Variants in LHFPL2 observed in about 807,000 individuals in gnomAD.
The protein encoded by LHFPL2 is LHFPL tetraspan subfamily member 2, also known as LHFPL tetraspan subfamily member 2 protein.
Under a neutral mutation model 17.5 loss-of-function variants are expected in LHFPL2, and 7 were observed. The ratio of observed to expected loss-of-function variants is 0.40; its 90% CI spans 0.23 to 0.75. The LOEUF (loss-of-function observed/expected upper bound fraction) is 0.75, where lower values mean the gene tolerates loss of function less well. LHFPL2 is among the 30% of genes least tolerant of loss of function. LHFPL2 has a pLI of 0.37. For missense variants in LHFPL2, 241 were observed against 294.8 expected (o/e 0.82, Z 1.34); for synonymous variants, 134 against 116.2 (o/e 1.15, Z -0.99).
At chr5:78,645,929 C>T (rs777801251) in intron 1 of LHFPL2, among the ~76,000 whole-genome samples, 13 of 152,186 alleles carry the variant, frequency 8.5e-5, no homozygotes, top group Non-Finnish European at 1.8e-4. Context: ...TAGAGATCAG[C>T]TATTTGCTTC....
At chr5:78,554,505 T>C (rs1426079779) in intron 3 of LHFPL2, among the ~76,000 whole-genome samples, 5 of 152,226 alleles carry the variant, frequency 3.3e-5, no homozygotes, top group African/African-American at 9.7e-5. Flanking sequence ...TTAACAACGT[T>C]TTCCAGGTTT....
rs1754260855 is a variant in LHFPL2 at position 78,486,860 on chromosome 5, A to G, written c.*2037T>C. 3 of 152,196 alleles carry G rather than the reference A, an allele frequency of 2.0e-5. No individual in the cohort carries two copies. 9.4% of individuals were successfully genotyped at this position (152,196 alleles called of 1,614,324 possible). ...TGAGATTGTAAACCTAGTGTCAGAA[A>G]ATGGTTTCTCTATCCAAGAAAGAAA... On this transcript the variant is annotated 3_prime_UTR_variant, in exon 5 of 5. Coordinates refer to ENST00000380345, the MANE Select transcript of LHFPL2 (RefSeq NM_005779.3).
chr5:78,518,022 T>G (rs1755341016), intron 3 of LHFPL2, among the ~76,000 whole-genome samples: 1 of 152,228 alleles, frequency 6.6e-6, no homozygotes, highest in African/African-American at 2.4e-5. Flanking sequence ...CATTAAAATC[T>G]GATGTAGCCC....
chr5:78,524,261 A>G (rs1755548570), intron 3 of LHFPL2, among the ~76,000 whole-genome samples: 2 of 152,116 alleles, frequency 1.3e-5, no homozygotes, highest in South Asian at 4.1e-4. Context: ...TTTCGGGCAC[A>G]CTCACTCATG....
chr5:78,599,862 T>G (rs1743950934), intron 2 of LHFPL2, among the ~76,000 whole-genome samples: 1 of 152,062 alleles, frequency 6.6e-6, no homozygotes, highest in Non-Finnish European at 1.5e-5. Flanking sequence ...ATTCCCCAAA[T>G]TATTGGTAGT....
At chr5:78,610,683 C>G (rs1289142991) in intron 2 of LHFPL2, among the ~76,000 whole-genome samples, 1 of 152,212 alleles carries the variant, frequency 6.6e-6, no homozygotes, top group Non-Finnish European at 1.5e-5. Context: ...AGACTCTCCT[C>G]AAAATCCAGC....
At chr5:78,579,838 T>C (rs556757515) in intron 2 of LHFPL2, among the ~76,000 whole-genome samples, 6 of 147,582 alleles carry the variant, frequency 4.1e-5, no homozygotes, top group South Asian at 4.1e-4. Flanking sequence ...GCATGATTTA[T>C]AGTCTTTTGG....
At chr5:78,605,139 G>A (rs1744168892) in intron 2 of LHFPL2, among the ~76,000 whole-genome samples, 1 of 152,170 alleles carries the variant, frequency 6.6e-6, no homozygotes, top group Admixed American at 6.5e-5. Flanking sequence ...TGTGTTACTG[G>A]GCTTCGAAAG....
intron 2 of LHFPL2, among the ~76,000 whole-genome samples, chr5:78,570,422 G>T (rs991370394): frequency 3.9e-5 from 6 of 151,986 alleles, no homozygotes; most frequent in African/African-American, 1.2e-4. Flanking sequence ...CAAGGCAGGG[G>T]GGATCCTCCA....
intron 3 of LHFPL2, among the ~76,000 whole-genome samples, chr5:78,529,628 G>A (rs1755722412): frequency 6.7e-6 from 1 of 148,232 alleles, no homozygotes; most frequent in Non-Finnish European, 1.5e-5. Context: ...GGGCGACAGA[G>A]CGAGACTCCG....
chr5:78,545,498 T>C (rs1194550263), intron 3 of LHFPL2, among the ~76,000 whole-genome samples: 2 of 152,186 alleles, frequency 1.3e-5, no homozygotes, highest in African/African-American at 2.4e-5. Context: ...GAAAGAGTTA[T>C]TATTCAATAC....
chr5:78,589,203 G>C (rs1364508157), intron 2 of LHFPL2, among the ~76,000 whole-genome samples: 1 of 152,164 alleles, frequency 6.6e-6, no homozygotes, highest in Non-Finnish European at 1.5e-5. Context: ...AGGCGCAGTG[G>C]CTCACGCCTG....
rs1251916158 is a variant in LHFPL2, at chr5:78,585,128, T to C, written c.-244-20257A>G. Among the ~76,000 whole-genome samples the C allele has an allele frequency of 5.8e-5, 6 of 104,290 alleles. No individual in the cohort carries two copies. In the East Asian group the frequency reaches 1.0e-3, roughly 18 times the overall value. The allele number at this position is 104,290 out of a possible 152,430, so 68.4% of individuals were successfully genotyped here. Reference sequence around the variant, plus strand: ...TTCACGCCATTCTCCTGCCTCAGCCTCCCAAGTAGCTGGGACTACAGGTGC... The same window carrying C: ...TTCACGCCATTCTCCTGCCTCAGCCCCCCAAGTAGCTGGGACTACAGGTGC... On this transcript the variant is annotated intron_variant, in intron 2 of 4. Coordinates refer to ENST00000380345, the MANE Select transcript of LHFPL2 (RefSeq NM_005779.3).
At chr5:78,569,188 T>C (rs1193447412) in intron 2 of LHFPL2, among the ~76,000 whole-genome samples, 1 of 152,144 alleles carries the variant, frequency 6.6e-6, no homozygotes, top group Non-Finnish European at 1.5e-5. Flanking sequence ...CAAGATTAGC[T>C]AAAACAAAAA....
At chr5:78,534,058 C>T (rs1348166821) in intron 3 of LHFPL2, among the ~76,000 whole-genome samples, 4 of 152,192 alleles carry the variant, frequency 2.6e-5, no homozygotes, top group Non-Finnish European at 5.9e-5. Flanking sequence ...ATCCAATCAC[C>T]GATGCTGGGG....
intron 3 of LHFPL2, among the ~76,000 whole-genome samples, chr5:78,520,640 G>A (rs1165114176): frequency 6.6e-6 from 1 of 151,350 alleles, no homozygotes; most frequent in Non-Finnish European, 1.5e-5. Context: ...GAGCAGCCAT[G>A]GCCAGGGCAC....
chr5:78,644,632 C>G, intron 1 of LHFPL2: 1 of 355,230 alleles, frequency 2.8e-6, no homozygotes, highest in Non-Finnish European at 5.4e-6. Flanking sequence ...TTTCATTTCT[C>G]TTTCATAATG....
intron 2 of LHFPL2, among the ~76,000 whole-genome samples, chr5:78,586,187 C>G (rs1245337254): frequency 6.6e-6 from 1 of 152,150 alleles, no homozygotes; most frequent in Non-Finnish European, 1.5e-5. Flanking sequence ...TCTCTCTTCC[C>G]TCGGGCAAGT....
intron 3 of LHFPL2, among the ~76,000 whole-genome samples, chr5:78,540,969 G>A (rs1425940123): frequency 6.6e-6 from 1 of 152,184 alleles, no homozygotes; most frequent in African/African-American, 2.4e-5. Context: ...CTGACCTCTA[G>A]CAGTGCCAAA....
Sources: gnomAD v4.1 joint callset for allele counts (sites outside exome capture counted in the v4.1 genomes callset) on GRCh38, gnomAD v4.1.1 for gene constraint, MANE v1.5 for transcripts, NCBI Gene and HGNC (gene_info 2026-07-23, HGNC 2026-07-21) for gene names.